GCKR: variants seen among roughly 807,000 people sequenced by gnomAD.
The protein encoded by GCKR is glucokinase regulator, also known as glucokinase regulatory protein.
Under a neutral mutation model 82.9 loss-of-function variants are expected in GCKR, and 73 were observed. The observed-to-expected ratio is 0.88, with a 90% CI of 0.73 to 1.07. The LOEUF is 1.07. GCKR is among the 50% of genes least tolerant of loss of function. GCKR has a pLI of 0.00. For missense variants in GCKR, 784 were observed against 782.1 expected (o/e 1.00, Z -0.03); for synonymous variants, 294 against 291.8 (o/e 1.01, Z -0.08).
intron 16 of GCKR, among the ~76,000 whole-genome samples, chr2:27,515,386 C>T (rs1669978173): frequency 6.6e-6 from 1 of 152,004 alleles, no homozygotes; most frequent in Non-Finnish European, 1.5e-5. Flanking sequence ...GGTGATCATC[C>T]CACCTCAGCC....
chr2:27,507,300 C>G lies in GCKR; in HGVS notation c.1132C>G (p.Leu378Val). The G allele has an allele frequency of 1.2e-6, 2 of 1,605,566 alleles. No individual in the cohort carries two copies. The highest frequency in any genetic ancestry group is 1.7e-6 in the Non-Finnish European group (2 of 1,172,272). Residue 378 changes from leucine (L) to valine (V), a missense_variant, in exon 13 of 19, where the codon CTC (leucine) becomes GTC (valine). Physicochemically the swap from Leu to Val is conservative, Grantham distance 32. Coordinates refer to ENST00000264717, the MANE Select transcript of GCKR (RefSeq NM_001486.4). ...HSDMFNQKAE[L>V]TNQGPQFTFS... is the part of the protein sequence containing the mutation. ...TGACATGTTTAACCAGAAGGCTGAG[C>G]TCACCAACCAGGTCGGAGAAGAACA...
intron 16 of GCKR, among the ~76,000 whole-genome samples, chr2:27,511,474 G>A (rs1669880434): frequency 6.6e-6 from 1 of 150,424 alleles, no homozygotes; most frequent in Admixed American, 6.6e-5. Flanking sequence ...AGGCGGGCAG[G>A]TCACCTGAGG....
chr2:27,499,487 A>T, intron 7 of GCKR, 37 bp downstream of exon 7: 1 of 1,350,714 alleles, frequency 7.4e-7, no homozygotes, highest in Non-Finnish European at 1.1e-6. Context: ...TCAATTTTAG[A>T]GAGAGGAAGT....
intron 7 of GCKR, 103 bp from the exon 8 acceptor site, chr2:27,501,032 G>T (rs1669560093): frequency 3.5e-6 from 3 of 866,124 alleles, no homozygotes; most frequent in East Asian, 2.4e-5. Context: ...CTGGGAATCT[G>T]CATTTTGAAC....
chr2:27,508,323 C>T, intron 16 of GCKR, 72 bp downstream of exon 16: 1 of 1,064,164 alleles, frequency 9.4e-7, no homozygotes, highest in Non-Finnish European at 1.5e-6. Flanking sequence ...ATCAAAAAAC[C>T]CAAGGCTGTA....
At chr2:27,507,583 CA>C in intron 13 of GCKR, 97 bp from the exon 14 acceptor site, 1 of 781,680 alleles carries the variant, frequency 1.3e-6, no homozygotes, top group Non-Finnish European at 2.3e-6. Flanking sequence ...CACCTGTGCA[CA>C]AAAGTGTTAG....
At chr2:27,520,993 A>G (rs1047349834) in intron 17 of GCKR, among the ~76,000 whole-genome samples, 1 of 152,100 alleles carries the variant, frequency 6.6e-6, no homozygotes, top group African/African-American at 2.4e-5. Flanking sequence ...TCAGTGAGCC[A>G]AGATAGTGCC....
At chr2:27,514,729 C>G (rs1037884842) in intron 16 of GCKR, among the ~76,000 whole-genome samples, 1 of 152,088 alleles carries the variant, frequency 6.6e-6, no homozygotes, top group African/African-American at 2.4e-5. Context: ...AGAAGAGTAT[C>G]TTTGGGATAA....
intron 16 of GCKR, among the ~76,000 whole-genome samples, chr2:27,515,733 A>T (rs536759460): frequency 5.3e-4 from 77 of 145,628 alleles, no homozygotes; most frequent in African/African-American, 1.8e-3. Flanking sequence ...CCAAGTGATT[A>T]TCCAATTGTT....
intron 11 of GCKR, 79 bp downstream of exon 11, chr2:27,506,658 T>A (rs41291155): frequency 2.6e-6 from 3 of 1,166,284 alleles, no homozygotes; most frequent in Admixed American, 3.4e-5. Context: ...GTGAGACATG[T>A]TAACACGGTA....
intron 16 of GCKR, among the ~76,000 whole-genome samples, chr2:27,509,356 TA>T (rs972864360): frequency 1.8e-4 from 27 of 152,170 alleles, no homozygotes; most frequent in Admixed American, 9.8e-4. Context: ...TTTTATTTTT[TA>T]AAGACAAAGT....
chr2:27,507,227 C>T lies in GCKR; in HGVS notation c.1067-8C>T, dbSNP rs990655412. ...TCACTCCTCTCTCCTTGTTCTTAAACTTCCCAGATTTCCGAGATGTCCGTG... is the reference window on the plus strand; with the variant it reads ...TCACTCCTCTCTCCTTGTTCTTAAATTTCCCAGATTTCCGAGATGTCCGTG... On this transcript the variant is annotated splice_region_variant and splice_polypyrimidine_tract_variant and intron_variant, in intron 12 of 18. Transcript: ENST00000264717. 6.3e-7 allele frequency: 1 copy of T among 1,597,848 alleles called. No homozygotes were observed. Among genetic ancestry groups the T allele is most frequent in the African/African-American group, 1.3e-5 (1 of 74,702 alleles).
rs752882675 is a variant in GCKR, at chr2:27,518,830, G to A, written c.1465G>A (p.Val489Met). The A allele has an allele frequency of 6.2e-7, 1 of 1,612,004 alleles. No homozygotes were observed. The highest frequency in any genetic ancestry group is 1.1e-5 in the South Asian group (1 of 91,046). The change falls in exon 17 of 19, where the codon GTG becomes ATG. Residue 489 changes from valine to methionine, a missense_variant. By Grantham distance (21) the Val-to-Met change is conservative. Coordinates refer to ENST00000264717, the MANE Select transcript of GCKR (RefSeq NM_001486.4). ...ELSTKWVLNT[V>M]STGAHVLLGK... Reference sequence around the variant, plus strand: ...AAGCACCAAATGGGTGCTGAATACAGTGAGTACAGGTGCTCATGTGCTTCT... The same window carrying A: ...AAGCACCAAATGGGTGCTGAATACAATGAGTACAGGTGCTCATGTGCTTCT...
rs1028226695 is a variant in GCKR, at chr2:27,511,633, G to GAAC, written c.1422+3383_1422+3385dup. 5.9e-5 allele frequency among the ~76,000 whole-genome samples: 9 copies of GAAC among 151,578 alleles called. No homozygotes were observed. In the East Asian group the frequency reaches 1.8e-3, roughly 30 times the overall value. On this transcript the variant is annotated intron_variant, in intron 16 of 18. Transcript: ENST00000264717. ...AGAAGCCGAGGTTGCAGTAAGCTGA[G>GAAC]AACGCACCATTGCACTCCAGCCAGG... is the stretch of plus-strand genomic sequence containing the variant.
At chr2:27,502,564 G>A (rs1461578460) in intron 8 of GCKR, among the ~76,000 whole-genome samples, 4 of 152,108 alleles carry the variant, frequency 2.6e-5, no homozygotes, top group Non-Finnish European at 4.4e-5. Context: ...TAGGAATCTC[G>A]ACGTTAAACC....
Position 27,508,170 on chromosome 2 carries a change from C to G in GCKR, c.1341C>G (p.Ile447Met). The change falls in exon 16 of 19, where the codon ATC becomes ATG. Residue 447 changes from isoleucine to methionine, a missense_variant and splice_region_variant. Transcript: ENST00000264717. ...AHSTVGQTLLIPLKKLFPSII... is the reference protein window; with the variant it reads ...AHSTVGQTLLMPLKKLFPSII... ...TGCTCCTCTTTCTCTCTCTCCAGAT[C>G]CCTCTGAAGAAGCTCTTTCCCTCCA... is the stretch of plus-strand genomic sequence containing the variant. The G allele has an allele frequency of 6.2e-7, 1 of 1,605,424 alleles. No homozygotes were observed. The highest frequency in any genetic ancestry group is 8.5e-7 in the Non-Finnish European group (1 of 1,172,522).
At position 27,501,222 on chromosome 2, in the gene GCKR, A is replaced by G. The variant is rs1221420032; in HGVS notation, c.637A>G (p.Met213Val). 1.2e-6 allele frequency: 2 copies of G among 1,610,464 alleles called. No individual in the cohort carries two copies. The highest frequency in any genetic ancestry group is 1.7e-6 in the Non-Finnish European group (2 of 1,176,724). ...CCTGGTTGGCTTCAATCCAGTGAGC[A>G]TGGCCAGGTGAGCCTTCTGGAATGA... ...PVLVGFNPVS[M>V]ARNDPIEDWS... Residue 213 changes from methionine (M) to valine (V), a missense_variant, in exon 8 of 19, where the codon ATG (methionine) becomes GTG (valine). Coordinates refer to ENST00000264717, the MANE Select transcript of GCKR (RefSeq NM_001486.4).
chr2:27,520,073 G>A (rs568382052), intron 17 of GCKR, among the ~76,000 whole-genome samples: 1 of 151,980 alleles, frequency 6.6e-6, no homozygotes, highest in East Asian at 1.9e-4. Flanking sequence ...TTTCCATCAA[G>A]TATGCCCTAT....
At position 27,523,400 on chromosome 2, in the gene GCKR, T is replaced by C. The variant is rs139242284; in HGVS notation, c.1839T>C (p.Thr613=). Residue 613 remains threonine (T), a synonymous_variant, in exon 19 of 19, where the codon ACT becomes ACC. Coordinates refer to ENST00000264717, the MANE Select transcript of GCKR (RefSeq NM_001486.4). Reference sequence around the variant, plus strand: ...TTGCTGGGCCAGGTCAGAAGCGCACTGCGGACCCCCTCGAGATCCTAGAGC... The same window carrying C: ...TTGCTGGGCCAGGTCAGAAGCGCACCGCGGACCCCCTCGAGATCCTAGAGC... The part of the protein sequence containing the change: ...SALAGPGQKR[T]ADPLEILEPD... The C allele has an allele frequency of 5.6e-6, 9 of 1,610,998 alleles. No homozygotes were observed. The African/African-American group carries it at 6.7e-5, about 12-fold the overall frequency.
Sources: gnomAD v4.1 joint callset for allele counts (sites outside exome capture counted in the v4.1 genomes callset) on GRCh38, gnomAD v4.1.1 for gene constraint, MANE v1.5 for transcripts, NCBI Gene and HGNC (gene_info 2026-07-23, HGNC 2026-07-21) for gene names.